OPCML: variants seen among roughly 807,000 people sequenced by gnomAD.
The protein encoded by OPCML is opioid binding protein/cell adhesion molecule like.
In OPCML, 13 loss-of-function variants were observed where a neutral mutation model predicts 37.8. The ratio of observed to expected loss-of-function variants is 0.34; its 90% CI spans 0.22 to 0.55. The LOEUF is 0.55. Ranked by LOEUF, OPCML falls within the 20% of genes least tolerant of loss-of-function variation. OPCML has a pLI of 0.91. For missense variants in OPCML, 341 were observed against 435.6 expected (o/e 0.78, Z 1.93); for synonymous variants, 176 against 168.8 (o/e 1.04, Z -0.33).
chr11:132,913,601 G>T (rs373184510), intron 2 of OPCML, among the ~76,000 whole-genome samples: 3 of 152,066 alleles, frequency 2.0e-5, no homozygotes, highest in Non-Finnish European at 4.4e-5. Flanking sequence ...TCACAAGGCC[G>T]ACTCTCAGTC....
chr11:133,476,367 A>C (rs567841689), intron 1 of OPCML, among the ~76,000 whole-genome samples: 1 of 133,862 alleles, frequency 7.5e-6, no homozygotes, highest in Non-Finnish European at 1.7e-5. Context: ...CAAATTCTAC[A>C]TACACTTTTT....
chr11:132,461,669 A>G (rs1312041030), intron 4 of OPCML, among the ~76,000 whole-genome samples: 4 of 152,198 alleles, frequency 2.6e-5, no homozygotes, highest in African/African-American at 9.6e-5. Flanking sequence ...ACTGCTAATA[A>G]AGACATACTC....
Position 132,991,104 on chromosome 11 carries a change from G to A in OPCML, c.62-48094C>T, listed in dbSNP as rs59797086. 4.0e-3 allele frequency among the ~76,000 whole-genome samples: 614 copies of A among 152,284 alleles called. 5 individuals are homozygous for A. The highest frequency in any genetic ancestry group is 0.014 in the African/African-American group (568 of 41,568). ...CCCATAGGATTGCCATAAGAAAAAT[G>A]TCTACAGCAATTCGCACTGGACACA... On this transcript the variant is annotated intron_variant, in intron 1 of 7. Coordinates refer to ENST00000524381, the MANE Select transcript of OPCML (RefSeq NM_001012393.5).
Position 132,684,088 on chromosome 11 carries a change from GA to G in OPCML, c.147-26770del, listed in dbSNP as rs543800216. ...TTAAAAAATCCCTTTTGCAAATAAA[GA>G]TGAGCAGTTCTAGGCTACACGATAA... On this transcript the variant is annotated intron_variant, in intron 2 of 7. Coordinates refer to ENST00000524381, the MANE Select transcript of OPCML (RefSeq NM_001012393.5). Among the ~76,000 whole-genome samples, 737 of 152,258 alleles carry G rather than the reference GA, an allele frequency of 4.8e-3. 13 individuals carry two copies. Among genetic ancestry groups the G allele is most frequent in the South Asian group, 0.038 (182 of 4,820 alleles).
chr11:133,113,429 G>A (rs1019366082), intron 1 of OPCML, among the ~76,000 whole-genome samples: 3 of 152,118 alleles, frequency 2.0e-5, no homozygotes, highest in African/African-American at 7.2e-5. Flanking sequence ...AAGGAAGCAG[G>A]AGAGAAAAAA....
intron 3 of OPCML, among the ~76,000 whole-genome samples, chr11:132,643,072 C>G (rs1940948507): frequency 6.6e-6 from 1 of 152,018 alleles, no homozygotes; most frequent in African/African-American, 2.4e-5. Flanking sequence ...TGCTGTGCCC[C>G]ACGTGGGAAT....
chr11:132,867,283 A>G (rs1027531604), intron 2 of OPCML, among the ~76,000 whole-genome samples: 11 of 152,222 alleles, frequency 7.2e-5, no homozygotes, highest in African/African-American at 2.2e-4. Context: ...AACTCAATTC[A>G]TTAAAATGAC....
At chr11:133,438,214 AT>A (rs1946285233) in intron 1 of OPCML, among the ~76,000 whole-genome samples, 1 of 152,156 alleles carries the variant, frequency 6.6e-6, no homozygotes, top group South Asian at 2.1e-4. Context: ...TTTTATTCTT[AT>A]GTAAGAGGAG....
intron 1 of OPCML, among the ~76,000 whole-genome samples, chr11:133,180,003 G>A (rs772568737): frequency 2.5e-4 from 38 of 152,266 alleles, no homozygotes; most frequent in Non-Finnish European, 3.5e-4. Context: ...CTAGGATCCC[G>A]CAGAAGGCAA....
At chr11:132,632,942 A>G (rs1252108571) in intron 3 of OPCML, among the ~76,000 whole-genome samples, 2 of 142,040 alleles carry the variant, frequency 1.4e-5, no homozygotes, top group African/African-American at 2.7e-5. Flanking sequence ...TGTTCTCACC[A>G]TATTGAAAAA....
intron 2 of OPCML, among the ~76,000 whole-genome samples, chr11:132,667,220 A>T (rs1025968467): frequency 6.6e-6 from 1 of 152,214 alleles, no homozygotes; most frequent in Non-Finnish European, 1.5e-5. Flanking sequence ...GAGTAGGAAC[A>T]CTTGGGAACT....
chr11:133,198,277 A>G (rs1274183594), intron 1 of OPCML, among the ~76,000 whole-genome samples: 2 of 152,232 alleles, frequency 1.3e-5, no homozygotes, highest in Admixed American at 6.5e-5. Flanking sequence ...CGTGTGAAAA[A>G]TCTTCAGGAG....
At chr11:133,466,740 C>A (rs192553815) in intron 1 of OPCML, among the ~76,000 whole-genome samples, 1 of 152,012 alleles carries the variant, frequency 6.6e-6, no homozygotes, top group Non-Finnish European at 1.5e-5. Context: ...ACTAATACTT[C>A]GGATTTAGTA....
intron 2 of OPCML, among the ~76,000 whole-genome samples, chr11:132,713,655 T>A (rs2135956267): frequency 6.6e-6 from 1 of 152,356 alleles, no homozygotes; most frequent in East Asian, 1.9e-4. Context: ...GCCAGAAATC[T>A]GGAGTTGGCC....
At chr11:132,562,990 A>G (rs896342649) in intron 3 of OPCML, among the ~76,000 whole-genome samples, 3 of 152,200 alleles carry the variant, frequency 2.0e-5, no homozygotes, top group African/African-American at 7.2e-5. Context: ...TACTCCATAA[A>G]CCTTGTTGTG....
intron 1 of OPCML, among the ~76,000 whole-genome samples, chr11:133,117,539 C>T (rs1949355573): frequency 6.6e-6 from 1 of 152,082 alleles, no homozygotes; most frequent in Admixed American, 6.5e-5. Context: ...CACCATATAC[C>T]TATTTCTGAC....
chr11:132,692,336 T>C (rs985928948), intron 2 of OPCML, among the ~76,000 whole-genome samples: 9 of 152,182 alleles, frequency 5.9e-5, no homozygotes, highest in Non-Finnish European at 1.3e-4. Flanking sequence ...AATTAGGTGC[T>C]GGTAATTAAC....
chr11:132,520,674 A>ATATATATGTG (rs10630619), intron 4 of OPCML, among the ~76,000 whole-genome samples: 234 of 128,088 alleles, frequency 1.8e-3, no homozygotes, highest in South Asian at 2.9e-3. Context: ...CTAAATATAT[A>ATATATATGTG]TGTGTGTGTG....
intron 1 of OPCML, among the ~76,000 whole-genome samples, chr11:133,310,217 T>C (rs1943034625): frequency 6.6e-6 from 1 of 152,190 alleles, no homozygotes; most frequent in East Asian, 1.9e-4. Context: ...TTTGTAGTGA[T>C]ACAACTTAGT....
Sources: gnomAD v4.1 joint callset for allele counts (sites outside exome capture counted in the v4.1 genomes callset) on GRCh38, gnomAD v4.1.1 for gene constraint, MANE v1.5 for transcripts, NCBI Gene and HGNC (gene_info 2026-07-23, HGNC 2026-07-21) for gene names.